The following PRDM2 variants were observed in gnomAD, a reference collection of about 807,000 sequenced individuals.
PRDM2 encodes PR domain zinc finger protein 2.
A neutral mutation model predicts 130.0 loss-of-function variants in PRDM2; 30 were observed. The observed-to-expected ratio is 0.23, with a 90% CI of 0.17 to 0.31. The LOEUF is 0.31. Ranked by LOEUF, PRDM2 falls within the 10% of genes least tolerant of loss-of-function variation. The pLI is 1.00. For missense variants in PRDM2, 2,011 were observed against 2,108.4 expected (o/e 0.95, Z 0.90); for synonymous variants, 871 against 782.4 (o/e 1.11, Z -1.89).
intron 4 of PRDM2, 22 bp downstream of exon 4, chr1:13,732,904 T>C (rs1643153944): frequency 2.1e-6 from 3 of 1,408,278 alleles, no homozygotes; most frequent in East Asian, 4.7e-5. Context: ...TTCTGATTCT[T>C]TGTTTTTCAG....
Position 13,771,389 on chromosome 1 carries a change from C to T in PRDM2, c.512-1689C>T, listed in dbSNP as rs972899343. 6.6e-6 allele frequency among the ~76,000 whole-genome samples: 1 copy of T among 152,190 alleles called. No individual in the cohort carries two copies. The highest frequency in any genetic ancestry group is 1.5e-5 in the Non-Finnish European group (1 of 68,044). Reference sequence around the variant, plus strand: ...GCTATCAGGAATTTATTTGCTCAAACCCTGATAAACGTAGTGGCAAAAACA... The same window carrying T: ...GCTATCAGGAATTTATTTGCTCAAATCCTGATAAACGTAGTGGCAAAAACA... On this transcript the variant is annotated intron_variant, in intron 6 of 9. Transcript: ENST00000311066. This position sits in a 1 kb window ranked among gnomAD's most constrained non-coding sequence, Gnocchi z 4.1.
chr1:13,726,138 C>T (rs1557602000), intron 2 of PRDM2, among the ~76,000 whole-genome samples: 1 of 152,198 alleles, frequency 6.6e-6, no homozygotes, highest in African/African-American at 2.4e-5. Flanking sequence ...GATAAGTGCT[C>T]ACAGTTGTAT....
intron 3 of PRDM2, among the ~76,000 whole-genome samples, chr1:13,731,762 A>G (rs960719543): frequency 1.3e-5 from 2 of 152,298 alleles, no homozygotes; most frequent in African/African-American, 4.8e-5. Flanking sequence ...GTCTTGGAAT[A>G]TATCATATTT....
chr1:13,793,858 A>C (rs1644881496), intron 8 of PRDM2, among the ~76,000 whole-genome samples: 1 of 152,178 alleles, frequency 6.6e-6, no homozygotes, highest in African/African-American at 2.4e-5. Context: ...TTAGTGTTTT[A>C]AGAAAGTCTA....
At chr1:13,706,780 AT>A (rs546249407) in intron 1 of PRDM2, among the ~76,000 whole-genome samples, 4 of 151,572 alleles carry the variant, frequency 2.6e-5, no homozygotes, top group Admixed American at 2.6e-4. Flanking sequence ...GGAAATATAC[AT>A]TTTTTTTCCA....
intron 2 of PRDM2, among the ~76,000 whole-genome samples, chr1:13,728,223 C>T (rs1642987112): frequency 6.6e-6 from 1 of 152,220 alleles, no homozygotes; most frequent in Non-Finnish European, 1.5e-5. Context: ...TTGAAATCTA[C>T]TGCTAAGCTG....
intron 8 of PRDM2, among the ~76,000 whole-genome samples, chr1:13,793,726 G>C (rs1487138050): frequency 6.6e-6 from 1 of 152,128 alleles, no homozygotes; most frequent in Non-Finnish European, 1.5e-5. Flanking sequence ...CATAGAGCAG[G>C]GATGTCCAAT....
Position 13,792,512 on chromosome 1 carries a change from G to A in PRDM2, c.5036+9681G>A, listed in dbSNP as rs369300568. On this transcript the variant is annotated intron_variant, in intron 8 of 9. Transcript: ENST00000311066. ...CTCTTCTCACTTGCTTTTTATAATC[G>A]CATCCAATCCTTGCCAACCCAGCTA... 2.0e-3 allele frequency among the ~76,000 whole-genome samples: 301 copies of A among 152,056 alleles called. 3 individuals carry two copies. In the South Asian group the frequency reaches 0.036, roughly 18 times the overall value.
At chr1:13,761,296 A>G (rs1158051722) in intron 6 of PRDM2, among the ~76,000 whole-genome samples, 1 of 152,230 alleles carries the variant, frequency 6.6e-6, no homozygotes, top group Non-Finnish European at 1.5e-5. Flanking sequence ...CAGCCCTGAA[A>G]GTAATTGTGT....
intron 6 of PRDM2, among the ~76,000 whole-genome samples, chr1:13,770,027 C>T (rs1476470862): frequency 1.3e-5 from 2 of 152,174 alleles, no homozygotes; most frequent in Non-Finnish European, 2.9e-5. Flanking sequence ...CAAGGATGAT[C>T]TGGCCCAGAT....
intron 8 of PRDM2, among the ~76,000 whole-genome samples, chr1:13,791,215 A>G (rs367646878): frequency 2.6e-4 from 39 of 152,270 alleles, no homozygotes; most frequent in African/African-American, 8.9e-4. Flanking sequence ...CAAGTGGAAC[A>G]GTCATTTGTG....
chr1:13,780,516 A>T lies in PRDM2; in HGVS notation c.2721A>T (p.Ala907=). ...NGIDLPVENP[A]DGTRSPSPCK... Reference sequence around the variant, plus strand: ...TCGATTTACCTGTAGAAAACCCTGCAGATGGGACCAGGAGCCCAAGTCCTT... The same window carrying T: ...TCGATTTACCTGTAGAAAACCCTGCTGATGGGACCAGGAGCCCAAGTCCTT... Residue 907 remains alanine, a synonymous_variant, in exon 8 of 10, where the codon GCA becomes GCT. Coordinates refer to ENST00000311066, the MANE Select transcript of PRDM2 (RefSeq NM_001393986.1). 1 of 1,614,228 alleles carries T rather than the reference A, an allele frequency of 6.2e-7. No individual in the cohort carries two copies. The highest frequency in any genetic ancestry group is 8.5e-7 in the Non-Finnish European group (1 of 1,180,046).
At chr1:13,703,384 G>A (rs546433466) in intron 1 of PRDM2, among the ~76,000 whole-genome samples, 1 of 152,352 alleles carries the variant, frequency 6.6e-6, no homozygotes, top group African/African-American at 2.4e-5. Context: ...TTGAACCGCT[G>A]CAGTGAAGGA....
chr1:13,756,087 T>TAAAA (rs576617549), intron 6 of PRDM2, among the ~76,000 whole-genome samples: 1 of 132,988 alleles, frequency 7.5e-6, no homozygotes, highest in African/African-American at 2.8e-5. Context: ...CTGTCTCTTC[T>TAAAA]AAAAAAAAAA....
rs1030965868 is a variant in PRDM2 at position 13,806,650 on chromosome 1, G to A, written c.5037-9777G>A. On this transcript the variant is annotated intron_variant, in intron 8 of 9. Coordinates refer to ENST00000311066, the MANE Select transcript of PRDM2 (RefSeq NM_001393986.1). The surrounding 1 kb of genome is among the most constrained non-coding windows in gnomAD (Gnocchi z 4.1). ...TTCTCTCAGCTCAGCCTCCTCAGCT[G>A]ACCTGAGGTCCAGGCCACCATCATC... Among the ~76,000 whole-genome samples, 29 of 152,078 alleles carry A rather than the reference G, an allele frequency of 1.9e-4. No homozygotes were observed. The highest frequency in any genetic ancestry group is 7.0e-4 in the African/African-American group (29 of 41,400).
chr1:13,788,182 C>T lies in PRDM2; in HGVS notation c.5036+5351C>T, dbSNP rs186488663. 6.9e-5 allele frequency: 59 copies of T among 856,842 alleles called. 1 individual carries two copies. The East Asian group carries it at 3.9e-3, about 57-fold the overall frequency. 53.1% of individuals were successfully genotyped at this position (856,842 alleles called of 1,614,324 possible). On this transcript the variant is annotated intron_variant, in intron 8 of 9. Transcript: ENST00000311066. ...GAGCCCGCACTCTAATTTAAAAGTG[C>T]GGCGTCTACTCAGCCCACCTGGCGT...
At chr1:13,777,648 A>G (rs753589329) in intron 7 of PRDM2, among the ~76,000 whole-genome samples, 3 of 13,128 alleles carry the variant, frequency 2.3e-4, no homozygotes, top group Non-Finnish European at 4.0e-4. Flanking sequence ...CCCCCCCCCA[A>G]TATTTGCATG....
intron 6 of PRDM2, chr1:13,769,058 T>C: frequency 2.4e-6 from 2 of 843,742 alleles, no homozygotes; most frequent in Non-Finnish European, 2.9e-6. Context: ...GTCCCTCTGC[T>C]GTTCCTTGTC....
chr1:13,821,042 A>AT (rs373062642), intron 9 of PRDM2, among the ~76,000 whole-genome samples: 13,847 of 65,464 alleles, frequency 0.21, 791 homozygotes, highest in African/African-American at 0.35. Context: ...TTCCAGCCCC[A>AT]TCAGACATTT....
Sources: gnomAD v4.1 joint callset for allele counts (sites outside exome capture counted in the v4.1 genomes callset) on GRCh38, gnomAD v4.1.1 for gene constraint, Gnocchi (gnomAD v3.1) non-coding constraint, MANE v1.5 for transcripts, NCBI Gene and HGNC (gene_info 2026-07-23, HGNC 2026-07-21) for gene names.